EPHA5: variants seen among roughly 807,000 people sequenced by gnomAD.
The protein encoded by EPHA5 is ephrin type-A receptor 5.
Under a neutral mutation model 105.0 loss-of-function variants are expected in EPHA5, and 60 were observed. The observed-to-expected ratio is 0.57, with a 90% confidence interval of 0.46 to 0.71. EPHA5 has a LOEUF of 0.71. EPHA5 is among the 30% of genes least tolerant of loss of function. The probability of loss-of-function intolerance (pLI) is 0.00; values close to 1 mark genes in which losing one functional copy is unlikely to be tolerated. For synonymous variants in EPHA5, 513 were observed against 449.1 expected, an observed-to-expected ratio of 1.14 and a Z score of -1.80; for missense variants, 1,218 against 1,274.7, an observed-to-expected ratio of 0.96 and a Z score of 0.68.
chr4:65,557,258 A>ATATATATATATATATATATATATG (rs1297322719), intron 3 of EPHA5, among the ~76,000 whole-genome samples: 1 of 145,118 alleles, frequency 6.9e-6, no homozygotes, highest in African/African-American at 2.5e-5. Flanking sequence ...ATATATATAT[A>ATATATATATATATATATATATATG]TTCTCACACT....
chr4:65,654,260 C>G (rs770350240), intron 1 of EPHA5, among the ~76,000 whole-genome samples: 1 of 148,092 alleles, frequency 6.8e-6, no homozygotes, highest in Non-Finnish European at 1.5e-5. Context: ...AAAAACAAAA[C>G]TATTTTTAAG....
intron 5 of EPHA5, among the ~76,000 whole-genome samples, chr4:65,423,822 G>T (rs1349632049): frequency 1.3e-5 from 2 of 151,896 alleles, no homozygotes; most frequent in Admixed American, 1.3e-4. Flanking sequence ...TAGAAACCAA[G>T]ATCTGGGTGT....
intron 1 of EPHA5, among the ~76,000 whole-genome samples, chr4:65,666,218 A>C (rs556528213): frequency 6.6e-6 from 1 of 152,292 alleles, no homozygotes; most frequent in African/African-American, 2.4e-5. Context: ...TAAACATACA[A>C]AACATTCAGA....
intron 11 of EPHA5, among the ~76,000 whole-genome samples, chr4:65,362,444 A>G (rs1037269312): frequency 6.6e-6 from 1 of 151,738 alleles, no homozygotes; most frequent in Non-Finnish European, 1.5e-5. Flanking sequence ...TTAAGAGCTA[A>G]ATTTATAAAG....
intron 5 of EPHA5, among the ~76,000 whole-genome samples, chr4:65,475,863 T>C (rs1203876183): frequency 6.6e-6 from 1 of 152,076 alleles, no homozygotes; most frequent in African/African-American, 2.4e-5. Flanking sequence ...GTGGGCAGAA[T>C]AGAGCTCACA....
In EPHA5 at chr4:65,366,113, A is replaced by C. The variant is rs192369384; in HGVS notation, c.1862-56T>G. 2.7e-4 allele frequency: 398 copies of C among 1,494,994 alleles called. 2 individuals are homozygous for C. The African/African-American group carries it at 5.0e-3, about 19-fold the overall frequency. The allele number at this position is 1,494,994 out of a possible 1,614,324, so 92.6% of individuals were successfully genotyped here. A position where few individuals can be genotyped will look rare whatever the true frequency, so the allele number is the denominator to read the frequency against. On this transcript the variant is annotated intron_variant, in intron 9 of 16. Transcript: ENST00000613740. ...GTAGTTGTGATGGATGAGCAAAATT[A>C]TGAACTTTATTAACATGCAAGTATG...
intron 3 of EPHA5, among the ~76,000 whole-genome samples, chr4:65,587,169 T>C (rs896913802): frequency 6.6e-6 from 1 of 152,118 alleles, no homozygotes; most frequent in Non-Finnish European, 1.5e-5. Context: ...AATTTCGGAA[T>C]TGGTGGGGAG....
chr4:65,397,797 C>A (rs1211063663), intron 8 of EPHA5, among the ~76,000 whole-genome samples: 1 of 152,104 alleles, frequency 6.6e-6, no homozygotes, highest in Non-Finnish European at 1.5e-5. Context: ...TGAGAGAGAT[C>A]TGACTGCTGT....
chr4:65,485,175 C>T (rs1392525561), intron 5 of EPHA5, among the ~76,000 whole-genome samples: 1 of 151,740 alleles, frequency 6.6e-6, no homozygotes, highest in East Asian at 1.9e-4. Context: ...CTATTATATC[C>T]TCTAATTTTT....
chr4:65,602,685 G>T (rs1743856099), intron 2 of EPHA5, among the ~76,000 whole-genome samples: 1 of 151,888 alleles, frequency 6.6e-6, no homozygotes, highest in Admixed American at 6.6e-5. Context: ...ATAAAGTTCA[G>T]CATATACATA....
chr4:65,466,782 T>C (rs796577476), intron 5 of EPHA5, among the ~76,000 whole-genome samples: 1 of 152,198 alleles, frequency 6.6e-6, no homozygotes, highest in South Asian at 2.1e-4. Context: ...TACCTGGGAA[T>C]ATCTGATTGT....
At chr4:65,479,271 C>T (rs1171752952) in intron 5 of EPHA5, among the ~76,000 whole-genome samples, 1 of 152,094 alleles carries the variant, frequency 6.6e-6, no homozygotes, top group African/African-American at 2.4e-5. Flanking sequence ...AAACCTGAGG[C>T]CCTGTGATAT....
intron 3 of EPHA5, among the ~76,000 whole-genome samples, chr4:65,529,335 T>G (rs1228708271): frequency 8.5e-5 from 13 of 152,202 alleles, no homozygotes; most frequent in Admixed American, 5.2e-4. Context: ...GCTGATCTAC[T>G]AACCTTAATA....
intron 5 of EPHA5, among the ~76,000 whole-genome samples, chr4:65,447,360 TA>T (rs1726651467): frequency 6.6e-6 from 1 of 152,044 alleles, no homozygotes; most frequent in African/African-American, 2.4e-5. Flanking sequence ...ACAACCATTA[TA>T]GTTGATGTCA....
rs905480288 is a variant in EPHA5 at position 65,619,963 on chromosome 4, T to G, written c.247-17659A>C. On this transcript the variant is annotated intron_variant, in intron 2 of 16. Transcript: ENST00000613740. ...AAAGTTTCTCCTTTTTTCATCCCTA[T>G]GCTCAATTTGAATGACCCAGAACAG... is the stretch of plus-strand genomic sequence containing the variant. 2.0e-5 allele frequency among the ~76,000 whole-genome samples: 3 copies of G among 151,116 alleles called. No individual in the cohort carries two copies. In the East Asian group the frequency reaches 5.8e-4, roughly 29 times the overall value.
intron 3 of EPHA5, among the ~76,000 whole-genome samples, chr4:65,515,663 T>A (rs1248997100): frequency 2.0e-5 from 3 of 152,186 alleles, no homozygotes; most frequent in Non-Finnish European, 4.4e-5. Flanking sequence ...TCTATTTTGT[T>A]ATATTATACT....
At chr4:65,383,632 C>A (rs570144558) in intron 8 of EPHA5, among the ~76,000 whole-genome samples, 12 of 151,960 alleles carry the variant, frequency 7.9e-5, no homozygotes, top group South Asian at 4.1e-4. Flanking sequence ...CACTCTAGAG[C>A]GCATATCCTA....
intron 4 of EPHA5, among the ~76,000 whole-genome samples, chr4:65,493,263 C>T (rs1024956419): frequency 2.0e-5 from 3 of 152,106 alleles, no homozygotes; most frequent in African/African-American, 7.2e-5. Flanking sequence ...GATGCGTCAA[C>T]CAAAGTAGAA....
chr4:65,647,729 AT>A (rs1455626832), intron 1 of EPHA5, among the ~76,000 whole-genome samples: 3 of 152,138 alleles, frequency 2.0e-5, no homozygotes, highest in Non-Finnish European at 2.9e-5. Flanking sequence ...TGAGAGACAG[AT>A]TTCAAGGTGA....
Sources: allele counts gnomAD v4.1 joint callset (sites outside exome capture counted in the v4.1 genomes callset), GRCh38; gene constraint gnomAD v4.1.1; transcripts MANE v1.5; gene names NCBI Gene and HGNC (gene_info 2026-07-23, HGNC 2026-07-21).